The following MARCHF3 variants were observed in gnomAD, a reference collection of about 807,000 sequenced individuals.
MARCHF3 encodes E3 ubiquitin-protein ligase MARCHF3.
A neutral mutation model predicts 24.2 loss-of-function variants in MARCHF3; 13 were observed. The observed-to-expected ratio is 0.54, with a 90% CI of 0.35 to 0.85. The LOEUF (loss-of-function observed/expected upper bound fraction) is 0.85. MARCHF3 is among the 40% of genes least tolerant of loss of function. The pLI, the probability that MARCHF3 is intolerant of heterozygous loss-of-function variation, is 0.01. For synonymous variants in MARCHF3, 144 were observed against 137.3 expected (o/e 1.05, Z -0.34); for missense variants, 276 against 325.0 (o/e 0.85, Z 1.16).
intron 3 of MARCHF3, among the ~76,000 whole-genome samples, chr5:126,904,151 T>C (rs991891629): frequency 2.0e-5 from 3 of 149,680 alleles, no homozygotes; most frequent in African/African-American, 7.5e-5. Context: ...ACTCATCATT[T>C]TTTATGGCTG....
intron 1 of MARCHF3, among the ~76,000 whole-genome samples, chr5:126,942,576 T>C (rs1331678610): frequency 1.3e-5 from 2 of 152,166 alleles, no homozygotes; most frequent in South Asian, 2.1e-4. Flanking sequence ...GAAATAACTA[T>C]ACACCAGACA....
At chr5:127,022,137 T>C (rs1358984017) in intron 1 of MARCHF3, among the ~76,000 whole-genome samples, 2 of 152,190 alleles carry the variant, frequency 1.3e-5, no homozygotes, top group East Asian at 3.8e-4. Flanking sequence ...GGGGGAGGTA[T>C]CACTGGCAAG....
intron 1 of MARCHF3, among the ~76,000 whole-genome samples, chr5:127,026,400 C>T (rs967703731): frequency 3.9e-5 from 6 of 152,172 alleles, no homozygotes; most frequent in African/African-American, 1.2e-4. Flanking sequence ...GGATTCTATA[C>T]GTAGGCTTTG....
chr5:126,946,553 C>T lies in MARCHF3; in HGVS notation c.-56-28326G>A, dbSNP rs547871084. Among the ~76,000 whole-genome samples, 81 of 152,082 alleles carry T rather than the reference C, an allele frequency of 5.3e-4. 4 individuals carry two copies. In the South Asian group the frequency reaches 0.015, roughly 28 times the overall value. The stretch of plus-strand genomic sequence containing the variant: ...CCTTGCTTTAACATGACATTGTGGG[C>T]GAGTCCTGGGGGCTGGGAGAAGGGG... On this transcript the variant is annotated intron_variant, in intron 1 of 4. Coordinates refer to ENST00000308660, the MANE Select transcript of MARCHF3 (RefSeq NM_178450.5).
chr5:126,962,643 G>A (rs1414230342), intron 1 of MARCHF3, among the ~76,000 whole-genome samples: 1 of 152,024 alleles, frequency 6.6e-6, no homozygotes, highest in East Asian at 1.9e-4. Flanking sequence ...TGAAGTTAAT[G>A]TCAGGCTATG....
intron 1 of MARCHF3, among the ~76,000 whole-genome samples, chr5:126,929,626 C>T (rs1220472548): frequency 6.6e-5 from 10 of 152,194 alleles, no homozygotes; most frequent in Admixed American, 6.5e-4. Context: ...AGCCAGTCTT[C>T]AGAGTATGGA....
At chr5:126,961,523 CT>C (rs1393024870) in intron 1 of MARCHF3, among the ~76,000 whole-genome samples, 1 of 152,050 alleles carries the variant, frequency 6.6e-6, no homozygotes, top group African/African-American at 2.4e-5. Context: ...CAATTTGTTC[CT>C]TTTTTGTCCT....
chr5:126,873,336 G>A (rs373939808), intron 4 of MARCHF3, among the ~76,000 whole-genome samples: 1 of 152,070 alleles, frequency 6.6e-6, no homozygotes, highest in East Asian at 1.9e-4. Context: ...AGTGTTCTTG[G>A]GCTGGTATTT....
chr5:126,922,258 C>T (rs890790365), intron 1 of MARCHF3, among the ~76,000 whole-genome samples: 2 of 152,230 alleles, frequency 1.3e-5, no homozygotes, highest in Non-Finnish European at 1.5e-5. Context: ...AGCCTACACT[C>T]TGGCTTTCTA....
At chr5:126,908,140 A>G (rs1754369864) in intron 3 of MARCHF3, among the ~76,000 whole-genome samples, 1 of 152,138 alleles carries the variant, frequency 6.6e-6, no homozygotes, top group African/African-American at 2.4e-5. Flanking sequence ...AGAATGTTGA[A>G]TATTGGCCCC....
At chr5:126,919,801 C>T (rs1035169344) in intron 1 of MARCHF3, among the ~76,000 whole-genome samples, 6 of 152,206 alleles carry the variant, frequency 3.9e-5, no homozygotes, top group African/African-American at 1.2e-4. Context: ...CTTTCCCACC[C>T]TCATTGGCTG....
intron 1 of MARCHF3, among the ~76,000 whole-genome samples, chr5:126,948,609 G>A (rs770758400): frequency 3.3e-5 from 5 of 152,192 alleles, no homozygotes; most frequent in African/African-American, 1.2e-4. Context: ...ATGGAGTTCT[G>A]TATAGTGATC....
intron 1 of MARCHF3, among the ~76,000 whole-genome samples, chr5:126,971,754 C>T (rs1358488144): frequency 6.6e-6 from 1 of 152,164 alleles, no homozygotes. Flanking sequence ...ATTTTAATCC[C>T]AGTAAGTGAC....
intron 1 of MARCHF3, among the ~76,000 whole-genome samples, chr5:126,925,202 G>A (rs1413531567): frequency 6.6e-6 from 1 of 152,146 alleles, no homozygotes; most frequent in Non-Finnish European, 1.5e-5. Flanking sequence ...CTTGAGAAAT[G>A]TATAAGCCCC....
rs114682940 is a variant in MARCHF3 at position 126,919,192 on chromosome 5, C to T, written c.-56-965G>A. On this transcript the variant is annotated intron_variant, in intron 1 of 4. Transcript: ENST00000308660. ...GGGTCATGACCTCAAGTTCAAAGCA[C>T]TCAGACCCACTGGAGTGAGGAACTC... Among the ~76,000 whole-genome samples the T allele has an allele frequency of 8.3e-3, 1,271 of 152,292 alleles. 14 individuals are homozygous for T. The highest frequency in any genetic ancestry group is 0.029 in the African/African-American group (1,213 of 41,548).
intron 1 of MARCHF3, among the ~76,000 whole-genome samples, chr5:127,023,393 A>C (rs1369461602): frequency 3.3e-5 from 5 of 152,160 alleles, no homozygotes; most frequent in Non-Finnish European, 2.9e-5. Context: ...TATTATAAAA[A>C]TTAGTTTATA....
rs898727469 is a variant in MARCHF3, at chr5:126,870,601, A to G, written c.*32T>C. On this transcript the variant is annotated 3_prime_UTR_variant, in exon 5 of 5. Transcript: ENST00000308660. Reference sequence around the variant, plus strand: ...TGCAGACACTTCCAAACCCCAAACAATGAATCAAACAACCAACCAACCATA... The same window carrying G: ...TGCAGACACTTCCAAACCCCAAACAGTGAATCAAACAACCAACCAACCATA... 3 of 1,606,238 alleles carry G rather than the reference A, an allele frequency of 1.9e-6. No individual in the cohort carries two copies. The highest frequency in any genetic ancestry group is 2.8e-5 in the African/African-American group (2 of 72,572).
chr5:126,896,885 CAA>C (rs1753937132), intron 3 of MARCHF3, among the ~76,000 whole-genome samples: 1 of 151,940 alleles, frequency 6.6e-6, no homozygotes, highest in African/African-American at 2.4e-5. Flanking sequence ...TGTATTTGGA[CAA>C]TGGATGTGTG....
At chr5:126,915,520 G>A (rs575859092) in intron 2 of MARCHF3, among the ~76,000 whole-genome samples, 2 of 152,266 alleles carry the variant, frequency 1.3e-5, no homozygotes, top group East Asian at 1.9e-4. Context: ...TGAATCTTTC[G>A]GACCAAACCA....
Sources: allele counts gnomAD v4.1 joint callset (sites outside exome capture counted in the v4.1 genomes callset), GRCh38; gene constraint gnomAD v4.1.1; transcripts MANE v1.5; gene names NCBI Gene and HGNC (gene_info 2026-07-23, HGNC 2026-07-21).